Variants in ZNF529 observed in about 807,000 individuals in gnomAD.
The protein encoded by ZNF529 is zinc finger protein 529.
ZNF529 carries 11 observed loss-of-function variants against 10.1 expected under a neutral mutation model. The observed-to-expected ratio is 1.09, with a 90% CI of 0.69 to 1.81. The LOEUF is 1.81. Ranked by LOEUF, ZNF529 falls within the 40% of genes most tolerant of loss-of-function variation. ZNF529 has a pLI of 0.00. For synonymous variants in ZNF529, 204 were observed against 215.7 expected, an observed-to-expected ratio of 0.95 and a Z score of 0.47; for missense variants, 624 against 666.8, an observed-to-expected ratio of 0.94 and a Z score of 0.71.
rs2035007232 is a variant in ZNF529 at position 36,546,098 on chromosome 19, ATG to A, written c.*766_*767del. The A allele has an allele frequency of 1.5e-5, 2 of 129,924 alleles. No individual in the cohort carries two copies. Among genetic ancestry groups the A allele is most frequent in the African/African-American group, 5.4e-5 (2 of 37,306 alleles). 8.0% of individuals were successfully genotyped at this position (129,924 alleles called of 1,614,324 possible). A position where few individuals can be genotyped will look rare whatever the true frequency, so the allele number is the denominator to read the frequency against. ...ATATATATAGTGTGTTATGTAGTGC[ATG>A]TGTGGGCATATATAGTATACATCAC... On this transcript the variant is annotated 3_prime_UTR_variant, in exon 5 of 5. Transcript: ENST00000591340.
chr19:36,577,882 C>G (rs1483644250), upstream of ZNF529: 1 of 152,016 alleles, frequency 6.6e-6, no homozygotes, highest in Admixed American at 6.6e-5. Context: ...GGCCTTCAGT[C>G]TTGGTGAAAA....
chr19:36,585,184 T>C (rs781433511), intron 2 of ZNF529, among the ~76,000 whole-genome samples: 3 of 152,144 alleles, frequency 2.0e-5, no homozygotes, highest in Non-Finnish European at 2.9e-5. Flanking sequence ...ACACTAAACA[T>C]GGAGGAAAGA....
At chr19:36,549,423 A>G (rs1024831442) in intron 4 of ZNF529, among the ~76,000 whole-genome samples, 1 of 152,028 alleles carries the variant, frequency 6.6e-6, no homozygotes, top group Non-Finnish European at 1.5e-5. Flanking sequence ...GAATCTAAAT[A>G]AAAATAAAAG....
rs190723225 is a variant in ZNF529, at chr19:36,602,296, T to C, written c.-128+2830A>G. Among the ~76,000 whole-genome samples the C allele has an allele frequency of 7.6e-4, 115 of 152,254 alleles. 2 individuals carry two copies. Among genetic ancestry groups the C allele is most frequent in the Admixed American group, 4.4e-3 (67 of 15,296 alleles). ...CTCCCGACCTTGTGATCCACCCACC[T>C]TGACCTCCCAAAGTGCTGGGATTAC... On this transcript the variant is annotated intron_variant, in intron 1 of 4. Coordinates refer to the ZNF529 transcript ENST00000585960.
intron 2 of ZNF529, among the ~76,000 whole-genome samples, chr19:36,559,167 C>G (rs2035586809): frequency 6.6e-6 from 1 of 152,078 alleles, no homozygotes; most frequent in Non-Finnish European, 1.5e-5. Flanking sequence ...AAAGGGAAGC[C>G]TTGTACACTG....
At chr19:36,574,551 A>T (rs966321257), upstream of ZNF529, among the ~76,000 whole-genome samples, 2 of 151,952 alleles carry the variant, frequency 1.3e-5, no homozygotes, top group Admixed American at 1.3e-4. Flanking sequence ...GGGTGTGCTT[A>T]GGATTTTATT....
intron 1 of ZNF529, among the ~76,000 whole-genome samples, chr19:36,590,924 C>T (rs3111544): frequency 1.4e-5 from 2 of 142,482 alleles, no homozygotes; most frequent in African/African-American, 5.4e-5. Context: ...AGCAAGACTC[C>T]GTCTCAAAAA....
At chr19:36,578,291 C>CTGTTTTT (rs1568609715), upstream of ZNF529, among the ~76,000 whole-genome samples, 1 of 31,794 alleles carries the variant, frequency 3.1e-5, no homozygotes, top group Non-Finnish European at 5.5e-5. Flanking sequence ...GTCTTGATCT[C>CTGTTTTT]TTTTTTTTTT....
At chr19:36,568,276 A>G (rs1009604853) in intron 2 of ZNF529, among the ~76,000 whole-genome samples, 1 of 152,194 alleles carries the variant, frequency 6.6e-6, no homozygotes, top group Admixed American at 6.5e-5. Context: ...AGTCACATTC[A>G]AAATGGTAGT....
intron 1 of ZNF529, among the ~76,000 whole-genome samples, chr19:36,601,202 G>C (rs1201287458): frequency 1.1e-4 from 16 of 147,568 alleles, no homozygotes; most frequent in Admixed American, 1.1e-3. Flanking sequence ...TTTTTGAGAC[G>C]GAGTCTCGCT....
intron 1 of ZNF529, 104 bp from the exon 2 acceptor site, chr19:36,572,496 C>G: frequency 1.2e-6 from 1 of 854,044 alleles, no homozygotes; most frequent in Non-Finnish European, 1.8e-6. Context: ...CAAACACACC[C>G]AGATCGAAGA....
At chr19:36,551,933 AT>A (rs2035275679) in intron 4 of ZNF529, 1 of 152,204 alleles carries the variant, frequency 6.6e-6, no homozygotes, top group Admixed American at 6.5e-5. Context: ...CAGGGTCTGT[AT>A]TGGTCTTGGT....
chr19:36,572,188 C>A, intron 2 of ZNF529, 145 bp downstream of exon 2: 1 of 796,466 alleles, frequency 1.3e-6, no homozygotes, highest in Non-Finnish European at 2.0e-6. Flanking sequence ...AATGATTTAC[C>A]TAATGCATAT....
At chr19:36,563,518 A>C (rs1209926351) in intron 2 of ZNF529, among the ~76,000 whole-genome samples, 1 of 152,172 alleles carries the variant, frequency 6.6e-6, no homozygotes, top group African/African-American at 2.4e-5. Context: ...CCGAGAACCA[A>C]ATCAGGAACA....
At chr19:36,604,128 C>G (rs1010306502) in intron 1 of ZNF529, among the ~76,000 whole-genome samples, 7 of 152,132 alleles carry the variant, frequency 4.6e-5, no homozygotes, top group Admixed American at 3.3e-4. Flanking sequence ...TGCAATGAGC[C>G]GAGATTGCGC....
chr19:36,570,772 T>C (rs768127768), intron 2 of ZNF529, among the ~76,000 whole-genome samples: 1 of 152,240 alleles, frequency 6.6e-6, no homozygotes, highest in Non-Finnish European at 1.5e-5. Flanking sequence ...TATATTTTCA[T>C]TGCTCTTGAT....
upstream of ZNF529, chr19:36,577,220 A>G (rs1226646957): frequency 2.2e-6 from 1 of 452,998 alleles, no homozygotes; most frequent in Admixed American, 2.4e-5. Context: ...TTGACCTCCC[A>G]AAGTGCTAGG....
intron 1 of ZNF529, among the ~76,000 whole-genome samples, chr19:36,602,428 T>G (rs2036939851): frequency 6.8e-6 from 1 of 146,956 alleles, no homozygotes; most frequent in Non-Finnish European, 1.5e-5. Context: ...TCACATGTCA[T>G]GAAATATTAC....
At chr19:36,573,561 G>C, upstream of ZNF529, 1 of 465,106 alleles carries the variant, frequency 2.2e-6, no homozygotes, top group Non-Finnish European at 4.5e-6. Flanking sequence ...CCCAGGTTGG[G>C]AGGACAGAAT....
Sources: gnomAD v4.1 joint callset for allele counts (sites outside exome capture counted in the v4.1 genomes callset) on GRCh38, gnomAD v4.1.1 for gene constraint, MANE v1.5 for transcripts, NCBI Gene and HGNC (gene_info 2026-07-23, HGNC 2026-07-21) for gene names.